MYCBP2: variants seen among roughly 807,000 people sequenced by gnomAD.
MYCBP2 encodes MYC binding protein 2.
In MYCBP2, 120 loss-of-function variants were observed where a neutral mutation model predicts 525.3. The ratio of observed to expected loss-of-function variants is 0.23; its 90% CI spans 0.20 to 0.27. The LOEUF (loss-of-function observed/expected upper bound fraction) is 0.27, where lower values mean the gene tolerates loss of function less well. MYCBP2 is among the 10% of genes least tolerant of loss of function. The pLI, the probability that MYCBP2 is intolerant of heterozygous loss-of-function variation, is 1.00. For missense variants in MYCBP2, 4,149 were observed against 5,657.1 expected, an observed-to-expected ratio of 0.73 and a Z score of 8.55; for synonymous variants, 1,894 against 1,955.8, an observed-to-expected ratio of 0.97 and a Z score of 0.83.
At chr13:77,172,298 G>T (rs2059220555) in intron 37 of MYCBP2, among the ~76,000 whole-genome samples, 1 of 152,090 alleles carries the variant, frequency 6.6e-6, no homozygotes, top group Non-Finnish European at 1.5e-5. Flanking sequence ...ACAGAATGAA[G>T]ACATGTATGG....
At position 77,055,659 on chromosome 13, in the gene MYCBP2, T is replaced by C. The variant is rs1328315697; in HGVS notation, c.13546A>G (p.Lys4516Glu). ...LMRLEYEGLH[K>E]SEAITTPGVR... ...CCAGGAGTTGTGATAGCTTCACTCT[T>C]ATGCAGACCTTCATATTCCAATCTC... is the stretch of plus-strand genomic sequence containing the variant. Residue 4516 changes from lysine (K) to glutamate (E), a missense_variant, in exon 80 of 83, where the codon AAG becomes GAG. Lys to Glu is a moderately conservative substitution (Grantham distance 56, BLOSUM62 1). Transcript: ENST00000544440. The C allele has an allele frequency of 6.2e-7, 1 of 1,614,004 alleles. No individual in the cohort carries two copies. The highest frequency in any genetic ancestry group is 8.5e-7 in the Non-Finnish European group (1 of 1,180,002).
Position 77,058,175 on chromosome 13 carries a change from C to G in MYCBP2, c.13329+43G>C. 2 of 1,586,328 alleles carry G rather than the reference C, an allele frequency of 1.3e-6. No homozygotes were observed. The highest frequency in any genetic ancestry group is 1.7e-6 in the Non-Finnish European group (2 of 1,161,250). ...TTTATTTGACAAATATATTCCCCAT[C>G]TTAATGTCTGGATACATTCAATACT... On this transcript the variant is annotated intron_variant, in intron 78 of 82. Coordinates refer to ENST00000544440, the MANE Select transcript of MYCBP2 (RefSeq NM_015057.5). The surrounding 1 kb of genome is among the most constrained non-coding windows in gnomAD (Gnocchi z 4.1).
At chr13:77,157,198 C>A (rs1253043998) in intron 45 of MYCBP2, among the ~76,000 whole-genome samples, 1 of 152,172 alleles carries the variant, frequency 6.6e-6, no homozygotes, top group Non-Finnish European at 1.5e-5. Context: ...CCCACCTCAG[C>A]CTCCAAGAAG....
chr13:77,205,705 T>C lies in MYCBP2; in HGVS notation c.3590-107A>G, dbSNP rs1337400177. ...TAAATTAAAATAAATAAACTCAGAA[T>C]GTTACTCCAAGCTTTAAACATCATT... On this transcript the variant is annotated intron_variant, in intron 24 of 82. Coordinates refer to ENST00000544440, the MANE Select transcript of MYCBP2 (RefSeq NM_015057.5). 8.7e-6 allele frequency: 8 copies of C among 920,584 alleles called. No homozygotes were observed. The East Asian group carries it at 2.2e-4, about 26-fold the overall frequency. The allele number at this position is 920,584 out of a possible 1,614,324, so 57.0% of individuals were successfully genotyped here.
At position 77,307,625 on chromosome 13, in the gene MYCBP2, C is replaced by CAAAAA. The variant is rs763388200; in HGVS notation, c.303-10956_303-10952dup. ...TGGATGACAAAGTGAGACCCTGTCT[C>CAAAAA]AAAAAAAAAAAAAAAAAAAAAAAAA... On this transcript the variant is annotated intron_variant, in intron 1 of 82. Transcript: ENST00000544440. 2.7e-4 allele frequency among the ~76,000 whole-genome samples: 8 copies of CAAAAA among 30,106 alleles called. 1 individual carries two copies. Among genetic ancestry groups the CAAAAA allele is most frequent in the African/African-American group, 5.2e-4 (4 of 7,680 alleles). The allele number at this position is 30,106 out of a possible 152,430, so 19.8% of individuals were successfully genotyped here.
chr13:77,238,242 CAAAAAAAAAAAAAAA>C (rs772175406), intron 17 of MYCBP2, among the ~76,000 whole-genome samples: 3 of 28,310 alleles, frequency 1.1e-4, no homozygotes, highest in African/African-American at 3.3e-4. Flanking sequence ...GACTCCGTCT[CAAAAAAAAAAAAAAA>C]AAAAAAAAAA....
Position 77,096,328 on chromosome 13 carries a change from G to C in MYCBP2, c.9938C>G (p.Ala3313Gly). 6.2e-7 allele frequency: 1 copy of C among 1,612,964 alleles called. No individual in the cohort carries two copies. The highest frequency in any genetic ancestry group is 1.1e-5 in the South Asian group (1 of 90,992). ...CREKYLREKQ[A>G]AAREKVKQSR... Reference sequence around the variant, plus strand: ...ATAAAATACCTTCTCCCTTGCAGCAGCCTGTTTTTCGCGGAGGTATTTTTC... The same window carrying C: ...ATAAAATACCTTCTCCCTTGCAGCACCCTGTTTTTCGCGGAGGTATTTTTC... The change falls in exon 57 of 83, where the codon GCT becomes GGT. Residue 3313 changes from alanine to glycine, a missense_variant. By Grantham distance (60) the Ala-to-Gly change is moderately conservative. Around this residue, in one of 21 missense-constraint regions of MYCBP2, gnomAD observed 509 missense variants for 789.4 expected, o/e 0.64. Transcript: ENST00000544440.
chr13:77,270,318 G>C lies in MYCBP2; in HGVS notation c.1166C>G (p.Ser389Cys). 1 of 1,612,912 alleles carries C rather than the reference G, an allele frequency of 6.2e-7. No individual in the cohort carries two copies. Among genetic ancestry groups the C allele is most frequent in the Non-Finnish European group, 8.5e-7 (1 of 1,179,284 alleles). Reference protein sequence around the residue: ...LCKDGLYKIGSGYSGTVRGHI... With the variant: ...LCKDGLYKIGCGYSGTVRGHI... ...TACCCTAACTGTTCCACTGTATCCA[G>C]AGCCTATTTTATATAATCCATCCTT... The change falls in exon 6 of 83, where the codon TCT becomes TGT. Residue 389 changes from serine to cysteine, a missense_variant. Physicochemically the swap from Ser to Cys is moderately radical, Grantham distance 112. Around this residue, in one of 21 missense-constraint regions of MYCBP2, gnomAD observed 262 missense variants for 419.3 expected, o/e 0.62. Coordinates refer to ENST00000544440, the MANE Select transcript of MYCBP2 (RefSeq NM_015057.5).
At chr13:77,152,764 C>T (rs142602360) in intron 46 of MYCBP2, among the ~76,000 whole-genome samples, 48 of 152,182 alleles carry the variant, frequency 3.2e-4, no homozygotes, top group Admixed American at 8.5e-4. Context: ...CCACTTCCAC[C>T]GTTTGATAAA....
chr13:77,322,796 AT>A (rs2081837286), intron 1 of MYCBP2, among the ~76,000 whole-genome samples: 1 of 152,222 alleles, frequency 6.6e-6, no homozygotes, highest in Non-Finnish European at 1.5e-5. Context: ...TTATACCACC[AT>A]TCACATTCAG....
At chr13:77,155,256 A>C (rs1219467862) in intron 46 of MYCBP2, among the ~76,000 whole-genome samples, 1 of 152,144 alleles carries the variant, frequency 6.6e-6, no homozygotes, top group Admixed American at 6.6e-5. Flanking sequence ...AAATGAAAGA[A>C]TGCATGAAGT....
At chr13:77,295,353 C>T (rs912387589) in intron 2 of MYCBP2, among the ~76,000 whole-genome samples, 5 of 152,082 alleles carry the variant, frequency 3.3e-5, no homozygotes, top group Admixed American at 3.3e-4. Flanking sequence ...AGGATGGTCT[C>T]GACCTCTTGA....
intron 13 of MYCBP2, 67 bp from the exon 14 acceptor site, chr13:77,257,896 C>G (rs1208276597): frequency 7.6e-7 from 1 of 1,320,984 alleles, no homozygotes. Context: ...AAAAGAACTA[C>G]CTCAATGCAG....
At chr13:77,164,417 A>C in intron 43 of MYCBP2, 37 bp downstream of exon 43, 2 of 1,377,888 alleles carry the variant, frequency 1.5e-6, no homozygotes, top group Non-Finnish European at 2.1e-6. Context: ...ACAAAACAAA[A>C]CCCTATCAAA....
rs1335761370 is a variant in MYCBP2 at position 77,185,724 on chromosome 13, G to C, written c.4444+147C>G. Reference sequence around the variant, plus strand: ...TTACTCTTTATAAGCAAATACATAAGCATCATAGCAAGCTGACTTTCTCCC... The same window carrying C: ...TTACTCTTTATAAGCAAATACATAACCATCATAGCAAGCTGACTTTCTCCC... On this transcript the variant is annotated intron_variant, in intron 31 of 82. Transcript: ENST00000544440. 4 of 590,604 alleles carry C rather than the reference G, an allele frequency of 6.8e-6. No individual in the cohort carries two copies. The African/African-American group carries it at 7.6e-5, about 11-fold the overall frequency. The allele number at this position is 590,604 out of a possible 1,614,324, so 36.6% of individuals were successfully genotyped here. A position where few individuals can be genotyped will look rare whatever the true frequency, so the allele number is the denominator to read the frequency against.
chr13:77,176,700 T>C, intron 35 of MYCBP2, 72 bp from the exon 36 acceptor site: 2 of 1,140,678 alleles, frequency 1.8e-6, no homozygotes, highest in East Asian at 2.9e-5. Flanking sequence ...TTTTGATTTA[T>C]AATTATTATT....
intron 39 of MYCBP2, 69 bp downstream of exon 39, chr13:77,169,545 G>T: frequency 7.3e-7 from 1 of 1,369,906 alleles, no homozygotes; most frequent in South Asian, 1.2e-5. Flanking sequence ...GTAAAGACAA[G>T]ACACAAAGTC....
intron 3 of MYCBP2, among the ~76,000 whole-genome samples, chr13:77,286,247 G>A (rs181102514): frequency 1.3e-5 from 2 of 152,136 alleles, no homozygotes; most frequent in East Asian, 3.9e-4. Context: ...AATCCCTTGT[G>A]GATATGTATA....
intron 59 of MYCBP2, among the ~76,000 whole-genome samples, chr13:77,091,493 C>T (rs1245134632): frequency 2.0e-5 from 3 of 151,378 alleles, no homozygotes; most frequent in Non-Finnish European, 2.9e-5. Flanking sequence ...AAGAAGAAAG[C>T]AAAGATGACA....
Sources: gnomAD v4.1 joint callset for allele counts (sites outside exome capture counted in the v4.1 genomes callset) on GRCh38, gnomAD v4.1.1 for gene constraint, gnomAD v4.1.1 regional missense constraint, Gnocchi (gnomAD v3.1) non-coding constraint, MANE v1.5 for transcripts, NCBI Gene and HGNC (gene_info 2026-07-23, HGNC 2026-07-21) for gene names.